The following EFNA5 variants were observed in gnomAD, a reference collection of about 807,000 sequenced individuals.
The protein encoded by EFNA5 is ephrin A5, also known as ephrin-A5.
A neutral mutation model predicts 22.9 loss-of-function variants in EFNA5; 5 were observed. The ratio of observed to expected loss-of-function variants is 0.22; its 90% CI spans 0.11 to 0.46. The LOEUF is 0.46. Among genes scored for constraint, EFNA5 ranks in the 20% least tolerant of loss-of-function variants. The pLI is 0.99. For missense variants in EFNA5, 237 were observed against 293.3 expected, an observed-to-expected ratio of 0.81 and a Z score of 1.40; for synonymous variants, 113 against 112.2, an observed-to-expected ratio of 1.01 and a Z score of -0.04.
intron 1 of EFNA5, among the ~76,000 whole-genome samples, chr5:107,494,647 C>A (rs529694985): frequency 6.6e-6 from 1 of 152,352 alleles, no homozygotes; most frequent in Admixed American, 6.5e-5. Flanking sequence ...CTGGGTGAAG[C>A]CAGCTGGGCT....
At chr5:107,418,962 T>G (rs1438475148) in intron 2 of EFNA5, among the ~76,000 whole-genome samples, 1 of 152,228 alleles carries the variant, frequency 6.6e-6, no homozygotes, top group Admixed American at 6.5e-5. Flanking sequence ...CTTGATCAAA[T>G]AACTTGTCAA....
At chr5:107,547,942 A>G (rs1420614639) in intron 1 of EFNA5, among the ~76,000 whole-genome samples, 1 of 152,260 alleles carries the variant, frequency 6.6e-6, no homozygotes, top group African/African-American at 2.4e-5. Flanking sequence ...ATTCAATTTC[A>G]GAGAAGGTGG....
chr5:107,437,096 AT>A (rs1444733646), intron 1 of EFNA5, among the ~76,000 whole-genome samples: 2 of 152,212 alleles, frequency 1.3e-5, no homozygotes, highest in East Asian at 1.9e-4. Context: ...TAAATCTGAA[AT>A]TTAGCCCACA....
chr5:107,512,198 T>A (rs1249469335), intron 1 of EFNA5, among the ~76,000 whole-genome samples: 1 of 152,210 alleles, frequency 6.6e-6, no homozygotes, highest in South Asian at 2.1e-4. Flanking sequence ...TGAGTCTGTA[T>A]AAGCGCTCAC....
intron 1 of EFNA5, among the ~76,000 whole-genome samples, chr5:107,627,383 G>T (rs1325445618): frequency 6.6e-6 from 1 of 152,102 alleles, no homozygotes; most frequent in Non-Finnish European, 1.5e-5. Flanking sequence ...AAAATGCAAG[G>T]CAAGTCTTCA....
intron 1 of EFNA5, among the ~76,000 whole-genome samples, chr5:107,536,064 T>G (rs1244765279): frequency 1.3e-5 from 2 of 152,180 alleles, no homozygotes; most frequent in South Asian, 2.1e-4. Flanking sequence ...TTGAGCCAGT[T>G]TGCATACTTT....
At chr5:107,564,901 T>C (rs1465179982) in intron 1 of EFNA5, among the ~76,000 whole-genome samples, 2 of 152,234 alleles carry the variant, frequency 1.3e-5, no homozygotes, top group African/African-American at 4.8e-5. Context: ...CAACTTTTCA[T>C]TCTTAGTAAT....
chr5:107,620,690 T>A (rs910883511), intron 1 of EFNA5, among the ~76,000 whole-genome samples: 2 of 152,194 alleles, frequency 1.3e-5, no homozygotes, highest in East Asian at 3.8e-4. Flanking sequence ...ATGAACTAAG[T>A]GCCCCCTACC....
chr5:107,542,560 G>T (rs538111399), intron 1 of EFNA5, among the ~76,000 whole-genome samples: 1 of 151,988 alleles, frequency 6.6e-6, no homozygotes, highest in Admixed American at 6.6e-5. Flanking sequence ...TATAAGGGGG[G>T]GGTGCGGGGA....
intron 1 of EFNA5, among the ~76,000 whole-genome samples, chr5:107,609,947 T>C (rs1749795450): frequency 6.6e-6 from 1 of 152,192 alleles, no homozygotes; most frequent in African/African-American, 2.4e-5. Flanking sequence ...TTTAATTGTA[T>C]TCATCAACAA....
intron 2 of EFNA5, among the ~76,000 whole-genome samples, chr5:107,401,404 A>C (rs1046182066): frequency 5.3e-5 from 8 of 152,236 alleles, no homozygotes; most frequent in Non-Finnish European, 7.3e-5. Flanking sequence ...ACAAAACTCA[A>C]CAGGGGTTTT....
intron 1 of EFNA5, among the ~76,000 whole-genome samples, chr5:107,668,547 C>T (rs1467888743): frequency 6.6e-6 from 1 of 151,954 alleles, no homozygotes; most frequent in Non-Finnish European, 1.5e-5. Context: ...GACTGGAACA[C>T]CCAAGTATCC....
At position 107,381,331 on chromosome 5, in the gene EFNA5, G is replaced by A. The variant is rs1580412088; in HGVS notation, c.611C>T (p.Ala204Val). The A allele has an allele frequency of 5.6e-6, 9 of 1,613,992 alleles. No homozygotes were observed. The highest frequency in any genetic ancestry group is 1.3e-5 in the African/African-American group (1 of 75,046). The stretch of plus-strand genomic sequence containing the variant: ...GCTGGGTATCCTTGGTGTTTGTGCC[G>A]CGTTCTCGCCGCGGGATGGCTCGGC... ...ESAEPSRGEN[A>V]AQTPRIPSRL... The change falls in exon 5 of 5, where the codon GCG becomes GTG. Residue 204 changes from alanine (A) to valine (V), a missense_variant. Coordinates refer to ENST00000333274, the MANE Select transcript of EFNA5 (RefSeq NM_001962.3).
At chr5:107,635,967 C>A (rs27551) in intron 1 of EFNA5, among the ~76,000 whole-genome samples, 22,000 of 152,180 alleles carry the variant, frequency 0.14, 1,820 homozygotes, top group Admixed American at 0.21. Flanking sequence ...AGCATCAATG[C>A]TTAAAATATT....
At chr5:107,513,000 C>G (rs1280164251) in intron 1 of EFNA5, among the ~76,000 whole-genome samples, 3 of 152,158 alleles carry the variant, frequency 2.0e-5, no homozygotes, top group Admixed American at 1.3e-4. Context: ...GAAAGAGGCT[C>G]TGCCCCTTCC....
At chr5:107,638,964 A>G (rs557697926) in intron 1 of EFNA5, among the ~76,000 whole-genome samples, 1 of 152,366 alleles carries the variant, frequency 6.6e-6, no homozygotes, top group Non-Finnish European at 1.5e-5. Flanking sequence ...TTACTTGTCA[A>G]TTAAAATAAA....
intron 1 of EFNA5, among the ~76,000 whole-genome samples, chr5:107,483,906 C>T (rs780872898): frequency 6.6e-6 from 1 of 152,158 alleles, no homozygotes; most frequent in Non-Finnish European, 1.5e-5. Flanking sequence ...GGATTTGGAG[C>T]AGAGTTACTC....
At chr5:107,444,813 A>G (rs1417992375) in intron 1 of EFNA5, among the ~76,000 whole-genome samples, 2 of 152,136 alleles carry the variant, frequency 1.3e-5, no homozygotes, top group East Asian at 1.9e-4. Context: ...TAATTTTCAG[A>G]CATGGTTTCC....
intron 2 of EFNA5, among the ~76,000 whole-genome samples, chr5:107,417,006 G>GA (rs3839266): frequency 0.22 from 33,341 of 149,202 alleles, 3,835 homozygotes; most frequent in South Asian, 0.34. Context: ...AAATGTCTGT[G>GA]AAAAAAAAAA....
Sources: gnomAD v4.1 joint callset for allele counts (sites outside exome capture counted in the v4.1 genomes callset) on GRCh38, gnomAD v4.1.1 for gene constraint, MANE v1.5 for transcripts, NCBI Gene and HGNC (gene_info 2026-07-23, HGNC 2026-07-21) for gene names.